OSER1: variants seen among roughly 807,000 people sequenced by gnomAD.
OSER1 encodes oxidative stress responsive serine rich 1.
OSER1 carries 15 observed loss-of-function variants against 26.3 expected under a neutral mutation model. That is an observed-to-expected ratio of 0.57 (90% CI 0.38 to 0.88). OSER1 has a LOEUF of 0.88. OSER1 is among the 40% of genes least tolerant of loss of function. The probability of loss-of-function intolerance (pLI) is 0.00; values close to 1 mark genes in which losing one functional copy is unlikely to be tolerated. For synonymous variants in OSER1, 127 were observed against 128.2 expected (o/e 0.99, Z 0.07); for missense variants, 313 against 353.9 (o/e 0.88, Z 0.93).
At chr20:44,203,734 CT>C (rs1191145670) in intron 2 of OSER1, among the ~76,000 whole-genome samples, 44 of 131,392 alleles carry the variant, frequency 3.3e-4, no homozygotes, top group African/African-American at 1.3e-3. Context: ...ACACACACCC[CT>C]CCTACTATAC....
At chr20:44,203,342 T>TG (rs1432001009) in intron 2 of OSER1, among the ~76,000 whole-genome samples, 1 of 152,212 alleles carries the variant, frequency 6.6e-6, no homozygotes, top group African/African-American at 2.4e-5. Flanking sequence ...GCTGTTTCCC[T>TG]GGGGCAGATC....
At chr20:44,211,152 C>T (rs1382419463), upstream of OSER1, 1 of 152,358 alleles carries the variant, frequency 6.6e-6, no homozygotes, top group Non-Finnish European at 1.5e-5. Flanking sequence ...GCTCGGTCCT[C>T]TACGTGGAGT....
At chr20:44,203,731 C>CAT (rs71195528) in intron 2 of OSER1, among the ~76,000 whole-genome samples, 1 of 149,874 alleles carries the variant, frequency 6.7e-6, no homozygotes, top group Non-Finnish European at 1.5e-5. Context: ...CACACACACA[C>CAT]CCCTCCTACT....
chr20:44,202,460 G>A (rs2072993172), intron 3 of OSER1, among the ~76,000 whole-genome samples: 1 of 151,902 alleles, frequency 6.6e-6, no homozygotes, highest in African/African-American at 2.4e-5. Flanking sequence ...GCCATTATGA[G>A]GGATTAAGAA....
chr20:44,197,879 C>T (rs1274582704), intron 3 of OSER1, 140 bp from the exon 4 acceptor site: 2 of 606,126 alleles, frequency 3.3e-6, no homozygotes, highest in Admixed American at 5.9e-5. Context: ...ATGCACCTTC[C>T]TCCATTTTCA....
At position 44,197,673 on chromosome 20, in the gene OSER1, G is replaced by C; in HGVS notation, c.258C>G (p.Val86=). 6.2e-7 allele frequency: 1 copy of C among 1,613,986 alleles called. No homozygotes were observed. The highest frequency in any genetic ancestry group is 2.2e-5 in the East Asian group (1 of 44,884). Residue 86 remains valine (V), a synonymous_variant, in exon 4 of 4, where the codon GTC becomes GTG. Transcript: ENST00000255174. ...AATGTATAAACTTTGGAGGATGAAGGACAGGAGACTTAGAACGTCGACGAC... is the reference window on the plus strand; with the variant it reads ...AATGTATAAACTTTGGAGGATGAAGCACAGGAGACTTAGAACGTCGACGAC... The part of the protein sequence containing the change: ...TQRRRRSKSP[V]LHPPKFIHCS...
Position 44,202,945 on chromosome 20 carries a change from A to C in OSER1, c.191+16T>G. 1.5e-6 allele frequency: 2 copies of C among 1,368,230 alleles called. No homozygotes were observed. The highest frequency in any genetic ancestry group is 2.1e-6 in the Non-Finnish European group (2 of 958,256). 84.8% of individuals were successfully genotyped at this position (1,368,230 alleles called of 1,614,324 possible). A position where few individuals can be genotyped will look rare whatever the true frequency, so the allele number is the denominator to read the frequency against. On this transcript the variant is annotated intron_variant, in intron 3 of 3. Coordinates refer to ENST00000255174, the MANE Select transcript of OSER1 (RefSeq NM_016470.8). ...ATAATATTGGAATAAAAATCATCTC[A>C]ATAAGAAGCTCTTACCCGTGCCAAC...
At chr20:44,201,881 G>GA (rs1423568545) in intron 3 of OSER1, among the ~76,000 whole-genome samples, 1 of 151,860 alleles carries the variant, frequency 6.6e-6, no homozygotes, top group Admixed American at 6.6e-5. Context: ...GGTAAGGTGG[G>GA]AAAAAAATAG....
At chr20:44,211,094 C>A (rs1470932434), upstream of OSER1, 1 of 152,412 alleles carries the variant, frequency 6.6e-6, no homozygotes, top group African/African-American at 2.4e-5. Flanking sequence ...GAGTAGGCGT[C>A]ATTCTTCACA....
intron 3 of OSER1, among the ~76,000 whole-genome samples, chr20:44,199,039 T>C (rs1358722322): frequency 6.6e-6 from 1 of 152,172 alleles, no homozygotes; most frequent in Non-Finnish European, 1.5e-5. Context: ...CTGCAGTGCT[T>C]GTGTTCAAGT....
In OSER1 at chr20:44,197,375, G is replaced by T. The variant is rs141804761; in HGVS notation, c.556C>A (p.Gln186Lys). 1.9e-6 allele frequency: 3 copies of T among 1,614,070 alleles called. No homozygotes were observed. The highest frequency in any genetic ancestry group is 2.5e-6 in the Non-Finnish European group (3 of 1,180,012). ...CCCTGGTTTAGCTTGGAAACTGATT[G>T]AAAGTCAGAGAGATCACTGGCTTTG... is the stretch of plus-strand genomic sequence containing the variant. ...SLKASDLSDF[Q>K]SVSKLNQGKP... The change falls in exon 4 of 4, where the codon CAA becomes AAA. Residue 186 changes from glutamine to lysine, a missense_variant. This residue lies in a region of OSER1 where 300 missense variants were observed against 318.3 expected (regional missense o/e 0.94). Transcript: ENST00000255174.
In OSER1 at chr20:44,207,414, C is replaced by T. The variant is rs144177541; in HGVS notation, c.-41-416G>A. On this transcript the variant is annotated intron_variant, in intron 1 of 3. Transcript: ENST00000255174. Reference sequence around the variant, plus strand: ...ACACTGAGTATTTGTCTGGCCTAACCCTAGTTAAGTATAACTTTCATGACA... The same window carrying T: ...ACACTGAGTATTTGTCTGGCCTAACTCTAGTTAAGTATAACTTTCATGACA... The T allele has an allele frequency of 2.9e-3, 462 of 157,494 alleles. 2 individuals are homozygous for T. The highest frequency in any genetic ancestry group is 0.01 in the African/African-American group (422 of 41,584). 9.8% of individuals were successfully genotyped at this position (157,494 alleles called of 1,614,324 possible).
intron 1 of OSER1, among the ~76,000 whole-genome samples, chr20:44,210,437 G>A (rs980713182): frequency 6.6e-6 from 1 of 152,248 alleles, no homozygotes; most frequent in African/African-American, 2.4e-5. Context: ...GGAGACGGCG[G>A]AGGAGCGAGA....
upstream of OSER1, chr20:44,210,900 C>G (rs570173547): frequency 3.9e-5 from 6 of 152,240 alleles, no homozygotes; most frequent in Non-Finnish European, 7.3e-5. Context: ...GCGCGGCAGC[C>G]GACGACTGCG....
intron 2 of OSER1, among the ~76,000 whole-genome samples, chr20:44,204,165 A>G (rs567332208): frequency 6.6e-6 from 1 of 152,330 alleles, no homozygotes; most frequent in South Asian, 2.1e-4. Flanking sequence ...TTATGTTACA[A>G]TCAGATAAAT....
intron 2 of OSER1, among the ~76,000 whole-genome samples, chr20:44,204,477 A>G (rs2073019336): frequency 6.6e-6 from 1 of 151,666 alleles, no homozygotes; most frequent in African/African-American, 2.4e-5. Context: ...TATATGCTAC[A>G]AATATAATTT....
intron 1 of OSER1, among the ~76,000 whole-genome samples, chr20:44,208,511 T>G (rs917338540): frequency 6.6e-6 from 1 of 152,150 alleles, no homozygotes; most frequent in Non-Finnish European, 1.5e-5. Context: ...TATATTTTGC[T>G]GGTTTATTTA....
At chr20:44,201,976 G>T (rs1464676173) in intron 3 of OSER1, among the ~76,000 whole-genome samples, 1 of 152,148 alleles carries the variant, frequency 6.6e-6, no homozygotes, top group Non-Finnish European at 1.5e-5. Context: ...ACTAAACTCA[G>T]CAGTTAAAAA....
chr20:44,211,766 C>T (rs2073112671), upstream of OSER1, among the ~76,000 whole-genome samples: 1 of 152,230 alleles, frequency 6.6e-6, no homozygotes, highest in African/African-American at 2.4e-5. Flanking sequence ...GCTGATCTAG[C>T]TGTGCCTCTC....
Sources: gnomAD v4.1 joint callset for allele counts (sites outside exome capture counted in the v4.1 genomes callset) on GRCh38, gnomAD v4.1.1 for gene constraint, gnomAD v4.1.1 regional missense constraint, MANE v1.5 for transcripts, NCBI Gene and HGNC (gene_info 2026-07-23, HGNC 2026-07-21) for gene names.